The following PDE8A variants were observed in gnomAD, a reference collection of about 807,000 sequenced individuals.
PDE8A encodes high affinity cAMP-specific and IBMX-insensitive 3',5'-cyclic phosphodiesterase 8A.
Under a neutral mutation model 105.0 loss-of-function variants are expected in PDE8A, and 59 were observed. That is an observed-to-expected ratio of 0.56 (90% CI 0.46 to 0.70). The LOEUF (loss-of-function observed/expected upper bound fraction) is 0.70, where lower values mean the gene tolerates loss of function less well. Among genes scored for constraint, PDE8A ranks in the 30% least tolerant of loss-of-function variants. The pLI is 0.00. For missense variants in PDE8A, 1,014 were observed against 1,045.9 expected (o/e 0.97, Z 0.42); for synonymous variants, 355 against 371.9 (o/e 0.95, Z 0.52).
intron 21 of PDE8A, among the ~76,000 whole-genome samples, chr15:85,137,449 C>CA (rs1444985982): frequency 2.6e-5 from 4 of 151,432 alleles, no homozygotes; most frequent in African/African-American, 9.8e-5. Context: ...AAGGGCCAGG[C>CA]CATCGGTTGG....
At chr15:84,995,134 A>G (rs950363784) in intron 1 of PDE8A, among the ~76,000 whole-genome samples, 3 of 152,346 alleles carry the variant, frequency 2.0e-5, no homozygotes, top group South Asian at 2.1e-4. Context: ...TGACAAACGC[A>G]TACATATATC....
At chr15:85,067,522 A>C (rs1264494899) in intron 3 of PDE8A, among the ~76,000 whole-genome samples, 1 of 152,204 alleles carries the variant, frequency 6.6e-6, no homozygotes, top group Non-Finnish European at 1.5e-5. Context: ...GATTGTTTTC[A>C]AAGTTTTAAA....
rs538571078 is a variant in PDE8A at position 85,036,864 on chromosome 15, G to A, written c.187-27506G>A. Among the ~76,000 whole-genome samples the A allele has an allele frequency of 1.5e-4, 23 of 152,152 alleles. No individual in the cohort carries two copies. In the South Asian group the frequency reaches 4.8e-3, roughly 32 times the overall value. ...GAGAAGTCGTCTTCTAACAGCACTGGTCAGGGACTTCTCTGACCCTTTCCT... is the reference window on the plus strand; with the variant it reads ...GAGAAGTCGTCTTCTAACAGCACTGATCAGGGACTTCTCTGACCCTTTCCT... On this transcript the variant is annotated intron_variant, in intron 1 of 21. Transcript: ENST00000394553.
At chr15:85,020,050 A>G (rs1049732666) in intron 1 of PDE8A, among the ~76,000 whole-genome samples, 8 of 147,026 alleles carry the variant, frequency 5.4e-5, no homozygotes, top group Non-Finnish European at 8.9e-5. Context: ...CTACATTACA[A>G]ATGGAGCCAC....
chr15:84,996,972 G>A (rs113023837), intron 1 of PDE8A, among the ~76,000 whole-genome samples: 71 of 151,912 alleles, frequency 4.7e-4, no homozygotes, highest in African/African-American at 1.7e-3. Context: ...GTGTACTACT[G>A]TAGACCTTAT....
At chr15:84,993,127 A>C (rs1049292018) in intron 1 of PDE8A, among the ~76,000 whole-genome samples, 4 of 152,252 alleles carry the variant, frequency 2.6e-5, no homozygotes, top group Admixed American at 6.5e-5. Context: ...TATTCATTGT[A>C]GAAAACTTGA....
At chr15:85,102,574 C>A (rs1481165055) in intron 11 of PDE8A, among the ~76,000 whole-genome samples, 1 of 151,602 alleles carries the variant, frequency 6.6e-6, no homozygotes, top group Non-Finnish European at 1.5e-5. Flanking sequence ...GACGCAGTGG[C>A]TCACACCTGT....
Position 85,059,318 on chromosome 15 carries a change from C to G in PDE8A, c.187-5052C>G, listed in dbSNP as rs118187355. Among the ~76,000 whole-genome samples the G allele has an allele frequency of 7.2e-5, 11 of 152,212 alleles. No homozygotes were observed. In the East Asian group the frequency reaches 2.1e-3, roughly 29 times the overall value. On this transcript the variant is annotated intron_variant, in intron 1 of 21. Transcript: ENST00000394553. ...TGTCCTTGAGAATGTCCCATGTGCA[C>G]TTGAGGAAAATATATATGTTGTTAT...
chr15:84,995,982 T>C (rs144752153), intron 1 of PDE8A, among the ~76,000 whole-genome samples: 2 of 152,206 alleles, frequency 1.3e-5, no homozygotes, highest in Non-Finnish European at 2.9e-5. Context: ...CTCCCTAGTA[T>C]GTTTTGGACA....
chr15:85,129,462 A>G (rs2082301146), intron 20 of PDE8A, among the ~76,000 whole-genome samples: 1 of 152,164 alleles, frequency 6.6e-6, no homozygotes, highest in East Asian at 1.9e-4. Context: ...CAGTCCTGGT[A>G]GGTTGCATGT....
intron 5 of PDE8A, among the ~76,000 whole-genome samples, chr15:85,078,994 A>G (rs1477262157): frequency 1.3e-5 from 2 of 152,190 alleles, no homozygotes; most frequent in Non-Finnish European, 1.5e-5. Context: ...CATATAAGAA[A>G]TGAACTACAA....
chr15:85,136,842 G>A (rs533662174), intron 21 of PDE8A, among the ~76,000 whole-genome samples, 179 bp downstream of exon 21: 2 of 152,146 alleles, frequency 1.3e-5, no homozygotes, highest in Non-Finnish European at 2.9e-5. Context: ...AACACTCCCC[G>A]CAGGCATAGG....
At chr15:85,131,038 T>G (rs907778281) in intron 20 of PDE8A, among the ~76,000 whole-genome samples, 1 of 152,206 alleles carries the variant, frequency 6.6e-6, no homozygotes, top group Admixed American at 6.5e-5. Context: ...ATTACAGGCC[T>G]GAGCCACCGC....
intron 3 of PDE8A, among the ~76,000 whole-genome samples, chr15:85,067,677 A>T (rs998090142): frequency 6.6e-6 from 1 of 152,240 alleles, no homozygotes; most frequent in African/African-American, 2.4e-5. Flanking sequence ...TGATGGAAGC[A>T]AGGCAAATAT....
chr15:85,033,528 C>T (rs1487912011), intron 1 of PDE8A, among the ~76,000 whole-genome samples: 3 of 152,124 alleles, frequency 2.0e-5, no homozygotes, highest in Non-Finnish European at 4.4e-5. Flanking sequence ...GACTTCTACT[C>T]TCCTGAATAT....
chr15:85,113,220 T>G (rs1218721349), intron 12 of PDE8A, among the ~76,000 whole-genome samples, 157 bp from the exon 13 acceptor site: 1 of 152,180 alleles, frequency 6.6e-6, no homozygotes, highest in Admixed American at 6.5e-5. Context: ...GAATTGGTTA[T>G]GCCAGAACCC....
At chr15:85,041,926 G>A (rs418676) in intron 1 of PDE8A, among the ~76,000 whole-genome samples, 1 of 152,058 alleles carries the variant, frequency 6.6e-6, no homozygotes, top group Non-Finnish European at 1.5e-5. Flanking sequence ...CTTACCTCTC[G>A]TTCCAGTAGT....
At position 85,126,523 on chromosome 15, in the gene PDE8A, A is replaced by T. The variant is rs563643145; in HGVS notation, c.2253+149A>T. ...GGTAACAAATGGTAACTGGTAACAA[A>T]TTTTTTTTTTCTTAAGAATATTTTA... On this transcript the variant is annotated intron_variant, in intron 20 of 21. Transcript: ENST00000394553. 2.2e-4 allele frequency: 101 copies of T among 454,430 alleles called. 1 individual carries two copies. The South Asian group carries it at 4.0e-3, about 18-fold the overall frequency. 28.1% of individuals were successfully genotyped at this position (454,430 alleles called of 1,614,324 possible).
intron 16 of PDE8A, 25 bp downstream of exon 16, chr15:85,116,144 C>A (rs374455669): frequency 6.8e-6 from 11 of 1,611,810 alleles, no homozygotes; most frequent in Non-Finnish European, 9.3e-6. Flanking sequence ...AGCTCAGCAG[C>A]GGGAGAACTA....
Sources: gnomAD v4.1 joint callset for allele counts (sites outside exome capture counted in the v4.1 genomes callset) on GRCh38, gnomAD v4.1.1 for gene constraint, MANE v1.5 for transcripts, NCBI Gene and HGNC (gene_info 2026-07-23, HGNC 2026-07-21) for gene names.